The following TPRA1 variants were observed in gnomAD, a reference collection of about 807,000 sequenced individuals.
TPRA1 encodes transmembrane protein adipocyte associated 1.
TPRA1 carries 28 observed loss-of-function variants against 40.1 expected under a neutral mutation model. The observed-to-expected ratio is 0.70, with a 90% CI of 0.52 to 0.96. The LOEUF is 0.96. TPRA1 is among the 40% of genes least tolerant of loss of function. The pLI is 0.00. For synonymous variants in TPRA1, 219 were observed against 209.7 expected, an observed-to-expected ratio of 1.04 and a Z score of -0.38; for missense variants, 441 against 482.6, an observed-to-expected ratio of 0.91 and a Z score of 0.81.
upstream of TPRA1, among the ~76,000 whole-genome samples, chr3:127,593,206 C>G (rs909559339): frequency 3.3e-5 from 5 of 152,190 alleles, no homozygotes; most frequent in African/African-American, 1.2e-4. Flanking sequence ...AGCGTGGCAT[C>G]TGCAACATTA....
In TPRA1 at chr3:127,571,598, C is replaced by A. The variant is rs369660243; in HGVS notation, c.*1923G>T. ...CTTGACATGGAATGATCTCCAAGAT[C>A]CATTGGAGTGAGCTACAGGACATTA... On this transcript the variant is annotated 3_prime_UTR_variant, in exon 11 of 11. Coordinates refer to ENST00000355552, the MANE Select transcript of TPRA1 (RefSeq NM_001136053.4). 1.3e-5 allele frequency: 2 copies of A among 152,240 alleles called. No individual in the cohort carries two copies. The allele number at this position is 152,240 out of a possible 1,614,324, so 9.4% of individuals were successfully genotyped here. A position where few individuals can be genotyped will look rare whatever the true frequency, so the allele number is the denominator to read the frequency against.
chr3:127,596,737 C>T (rs1303844957), intron 1 of TPRA1, among the ~76,000 whole-genome samples: 2 of 152,218 alleles, frequency 1.3e-5, no homozygotes, highest in African/African-American at 4.8e-5. Context: ...GCGCTCCTAT[C>T]TCAGCTATCA....
At chr3:127,584,447 T>TTA (rs1474094062) in intron 1 of TPRA1, among the ~76,000 whole-genome samples, 1 of 20,870 alleles carries the variant, frequency 4.8e-5, no homozygotes, top group Non-Finnish European at 7.8e-5. Context: ...AGACCCTGTC[T>TTA]AAAAAAAAAA....
intron 1 of TPRA1, among the ~76,000 whole-genome samples, chr3:127,581,062 G>T (rs545981283): frequency 6.6e-6 from 1 of 152,216 alleles, no homozygotes; most frequent in Non-Finnish European, 1.5e-5. Flanking sequence ...GGGACTGAGG[G>T]TCTGGTCGGA....
rs763313700 is a variant in TPRA1, at chr3:127,575,317, C to T, written c.774-52G>A. On this transcript the variant is annotated intron_variant, in intron 9 of 10. Coordinates refer to ENST00000355552, the MANE Select transcript of TPRA1 (RefSeq NM_001136053.4). ...GCCTCCTAGCCCCATGCTGACTCCA[C>T]ACCTCCCCATGCCCCCAGCGGGTGG... 6 of 1,593,434 alleles carry T rather than the reference C, an allele frequency of 3.8e-6. No individual in the cohort carries two copies. In the Admixed American group the frequency reaches 1.1e-4, roughly 28 times the overall value.
rs1305272321 is a variant in TPRA1 at position 127,573,208 on chromosome 3, C to T, written c.*313G>A. ...GCATTGGGAGAGCCAGCCCTGCCCTCGTGCCAAGGGTGCAGAGAAGGAGGG... is the reference window on the plus strand; with the variant it reads ...GCATTGGGAGAGCCAGCCCTGCCCTTGTGCCAAGGGTGCAGAGAAGGAGGG... On this transcript the variant is annotated 3_prime_UTR_variant, in exon 11 of 11. Transcript: ENST00000355552. 2 of 291,254 alleles carry T rather than the reference C, an allele frequency of 6.9e-6. No individual in the cohort carries two copies. The highest frequency in any genetic ancestry group is 2.1e-5 in the African/African-American group (1 of 47,126). 18.0% of individuals were successfully genotyped at this position (291,254 alleles called of 1,614,324 possible).
At chr3:127,582,701 CAAAAA>C (rs1404690468) in intron 1 of TPRA1, among the ~76,000 whole-genome samples, 2 of 76,180 alleles carry the variant, frequency 2.6e-5, no homozygotes, top group African/African-American at 8.9e-5. Context: ...GACTCTGTCT[CAAAAA>C]AAAAAAAAAA....
At chr3:127,578,495 T>C (rs781224146) in intron 3 of TPRA1, among the ~76,000 whole-genome samples, 2 of 152,226 alleles carry the variant, frequency 1.3e-5, no homozygotes, top group Non-Finnish European at 2.9e-5. Context: ...GGCCCTGTTA[T>C]ATGTTCCTGG....
At position 127,576,405 on chromosome 3, in the gene TPRA1, A is replaced by C. The variant is rs2073627306; in HGVS notation, c.498+212T>G. On this transcript the variant is annotated intron_variant, in intron 6 of 10. Coordinates refer to ENST00000355552, the MANE Select transcript of TPRA1 (RefSeq NM_001136053.4). This position sits in a 1 kb window ranked among gnomAD's most constrained non-coding sequence, Gnocchi z 4.6. ...CTCCTTATTAAAACGGCAAGTCCTG[A>C]GCCTCCCATCCTGGCGCCCTGGCCC... Among the ~76,000 whole-genome samples the C allele has an allele frequency of 6.6e-6, 1 of 152,136 alleles. No homozygotes were observed. Among genetic ancestry groups the C allele is most frequent in the Non-Finnish European group, 1.5e-5 (1 of 68,002 alleles).
At chr3:127,597,760 G>C (rs2074259907) in intron 1 of TPRA1, among the ~76,000 whole-genome samples, 3 of 151,876 alleles carry the variant, frequency 2.0e-5, no homozygotes, top group Non-Finnish European at 4.4e-5. Context: ...AAACCATTGT[G>C]CTCCTAAGAC....
intron 8 of TPRA1, 33 bp downstream of exon 8, chr3:127,575,716 C>T (rs1238077995): frequency 1.9e-6 from 3 of 1,611,260 alleles, no homozygotes; most frequent in Admixed American, 1.7e-5. Context: ...CTCCCATCCC[C>T]GCCTGTCCCA....
chr3:127,580,029 T>C lies in TPRA1; in HGVS notation c.118A>G (p.Thr40Ala), dbSNP rs769384557. Residue 40 changes from threonine to alanine, a missense_variant, in exon 2 of 11, where the codon ACC becomes GCC. Coordinates refer to ENST00000355552, the MANE Select transcript of TPRA1 (RefSeq NM_001136053.4). The part of the protein sequence containing the change: ...CLLLLYEDIG[T>A]SRVRYWDLLL... The stretch of plus-strand genomic sequence containing the variant: ...GCGTTGTGACTGCCTCACCTGGAGG[T>C]GCCAATGTCTTCGTAGAGCAGCAGC... The C allele has an allele frequency of 6.2e-7, 1 of 1,613,412 alleles. No homozygotes were observed. The highest frequency in any genetic ancestry group is 2.2e-5 in the East Asian group (1 of 44,850).
intron 3 of TPRA1, among the ~76,000 whole-genome samples, chr3:127,579,044 ACCTATACTGGGACAGCCCACACCTGGAG>A (rs1376442780): frequency 2.6e-5 from 4 of 151,614 alleles, no homozygotes; most frequent in African/African-American, 7.3e-5. Flanking sequence ...CACACCTGGC[ACCTATACTGGGACAGCCCACACCTGGAG>A]CCTATACCAG....
rs372625321 is a variant in TPRA1, at chr3:127,573,745, C to G, written c.898G>C (p.Glu300Gln). 1 of 1,591,784 alleles carries G rather than the reference C, an allele frequency of 6.3e-7. No individual in the cohort carries two copies. The highest frequency in any genetic ancestry group is 8.6e-7 in the Non-Finnish European group (1 of 1,163,776). ...AGGTGTACATCTGGCTCCTCTGTCT[C>G]GTCCACTTGGCATTTGTAGGAGAAG... ...ILFSYKCQVD[E>Q]TEEPDVHLPQ... The change falls in exon 11 of 11, where the codon GAG (glutamate) becomes CAG (glutamine). Residue 300 changes from glutamate to glutamine, a missense_variant. Physicochemically the swap from Glu to Gln is conservative, Grantham distance 29 (BLOSUM62 2). Transcript: ENST00000355552.
chr3:127,575,159 G>A (rs1373409740), intron 10 of TPRA1, 26 bp downstream of exon 10: 1 of 1,609,948 alleles, frequency 6.2e-7, no homozygotes, highest in Non-Finnish European at 8.5e-7. Context: ...GCAGCCACGC[G>A]GGGGCGCCGG....
intron 1 of TPRA1, 159 bp from the exon 2 acceptor site, chr3:127,580,322 G>A: frequency 2.6e-6 from 2 of 770,378 alleles, no homozygotes; most frequent in Admixed American, 3.0e-5. Context: ...GCTCCACACA[G>A]GTCACGACCC....
At chr3:127,598,201 C>A (rs2074267499) in exon 1 of TPRA1, 2 of 567,798 alleles carry the variant, frequency 3.5e-6, no homozygotes, top group East Asian at 3.1e-5. Flanking sequence ...TCTACCTCCG[C>A]TCCAGCTCCC....
chr3:127,590,596 G>A lies in TPRA1; in HGVS notation c.-204C>T, dbSNP rs114336481. ...GACCGGCTCCGTGGAATGAGGGCTA[G>A]GCAGGAAAGGCGAGGCGGGGTCAGC... is the stretch of plus-strand genomic sequence containing the variant. On this transcript the variant is annotated 5_prime_UTR_variant, in exon 1 of 11. Transcript: ENST00000355552. The A allele has an allele frequency of 0.013, 2,006 of 152,360 alleles. 38 individuals are homozygous for A. Among genetic ancestry groups the A allele is most frequent in the African/African-American group, 0.042 (1,749 of 41,590 alleles). 9.4% of individuals were successfully genotyped at this position (152,360 alleles called of 1,614,324 possible).
At chr3:127,597,078 T>C (rs960872690) in intron 1 of TPRA1, among the ~76,000 whole-genome samples, 1 of 151,470 alleles carries the variant, frequency 6.6e-6, no homozygotes, top group Non-Finnish European at 1.5e-5. Flanking sequence ...GTTGCACCAC[T>C]GCACTCCAGC....
Sources: gnomAD v4.1 joint callset for allele counts (sites outside exome capture counted in the v4.1 genomes callset) on GRCh38, gnomAD v4.1.1 for gene constraint, Gnocchi (gnomAD v3.1) non-coding constraint, MANE v1.5 for transcripts, NCBI Gene and HGNC (gene_info 2026-07-23, HGNC 2026-07-21) for gene names.